TAS2R1: variants seen among roughly 807,000 people sequenced by gnomAD.
The protein encoded by TAS2R1 is taste 2 receptor member 1, also known as taste receptor type 2 member 1.
For missense variants in TAS2R1, 370 were observed against 353.4 expected (o/e 1.05, Z -0.38); for synonymous variants, 141 against 134.2 (o/e 1.05, Z -0.35).
At chr5:9,818,345 T>G in the TAS2R1 span, among the ~76,000 whole-genome samples, 1 of 152,182 alleles carries the variant, frequency 6.6e-6, no homozygotes, top group African/African-American at 2.4e-5. Context: ...CTCTCTAGAG[T>G]ATATGCCTTG....
the TAS2R1 span, among the ~76,000 whole-genome samples, chr5:9,768,691 T>G: frequency 6.6e-6 from 1 of 152,228 alleles, no homozygotes. Flanking sequence ...CATAATTGCT[T>G]GGCAAATCAG....
the TAS2R1 span, among the ~76,000 whole-genome samples, chr5:9,745,946 ACAG>A: frequency 6.6e-6 from 1 of 152,248 alleles, no homozygotes; most frequent in Non-Finnish European, 1.5e-5. Context: ...GAACTTCTGC[ACAG>A]CAAAAGAAAC....
the TAS2R1 span, among the ~76,000 whole-genome samples, chr5:9,901,785 G>C: frequency 6.6e-6 from 1 of 152,132 alleles, no homozygotes; most frequent in Non-Finnish European, 1.5e-5. Flanking sequence ...TTATTTTCCG[G>C]AGAAAAAGAA....
chr5:9,686,004 T>C (rs888180985), intron 1 of TAS2R1, among the ~76,000 whole-genome samples: 4 of 152,208 alleles, frequency 2.6e-5, no homozygotes, highest in African/African-American at 9.6e-5. Context: ...TGGCTGGGAC[T>C]ACAGGCATGC....
chr5:9,876,893 C>T, the TAS2R1 span, among the ~76,000 whole-genome samples: 6 of 152,150 alleles, frequency 3.9e-5, no homozygotes, highest in South Asian at 2.1e-4. Flanking sequence ...TGAGCACTCA[C>T]GTGTTCGATT....
chr5:9,727,426 C>A, the TAS2R1 span, among the ~76,000 whole-genome samples: 1 of 152,122 alleles, frequency 6.6e-6, no homozygotes, highest in South Asian at 2.1e-4. Flanking sequence ...ATTTGAGAAA[C>A]CAAGAGAGTA....
At chr5:9,724,344 C>CTTTTTTTT in the TAS2R1 span, among the ~76,000 whole-genome samples, 3 of 124,678 alleles carry the variant, frequency 2.4e-5, no homozygotes, top group Non-Finnish European at 3.5e-5. Context: ...ATGTTTCTTT[C>CTTTTTTTT]TTTTTTTTTT....
chr5:9,713,482 T>C (rs1257951489), upstream of TAS2R1, among the ~76,000 whole-genome samples: 1 of 152,136 alleles, frequency 6.6e-6, no homozygotes, highest in African/African-American at 2.4e-5. Flanking sequence ...CACCCCCCAC[T>C]GCTTTGAATT....
chr5:9,845,104 T>C, the TAS2R1 span, among the ~76,000 whole-genome samples: 1 of 151,812 alleles, frequency 6.6e-6, no homozygotes, highest in Admixed American at 6.6e-5. Context: ...TATTTGGAGG[T>C]GGAATCTTTG....
At chr5:9,894,481 A>G in the TAS2R1 span, among the ~76,000 whole-genome samples, 1 of 152,126 alleles carries the variant, frequency 6.6e-6, no homozygotes, top group Non-Finnish European at 1.5e-5. Context: ...CAGAGGAAAT[A>G]CCGTGGGAGG....
the TAS2R1 span, among the ~76,000 whole-genome samples, chr5:9,786,230 A>G: frequency 2.0e-5 from 3 of 152,330 alleles, no homozygotes; most frequent in African/African-American, 7.2e-5. Context: ...TGACCTATTA[A>G]ACTAGACAAT....
the TAS2R1 span, among the ~76,000 whole-genome samples, chr5:9,805,203 G>C: frequency 1.4e-4 from 22 of 152,070 alleles, no homozygotes; most frequent in African/African-American, 5.3e-4. Flanking sequence ...GGAAGATATA[G>C]AGACTCTGAA....
intron 1 of TAS2R1, among the ~76,000 whole-genome samples, chr5:9,662,765 C>G (rs1027167968): frequency 2.6e-5 from 4 of 152,298 alleles, no homozygotes; most frequent in African/African-American, 9.6e-5. Context: ...TAAGAAAGAA[C>G]AAGAAGATTG....
intron 2 of TAS2R1, among the ~76,000 whole-genome samples, chr5:9,655,748 A>C (rs1427143329): frequency 6.6e-6 from 1 of 152,112 alleles, no homozygotes; most frequent in African/African-American, 2.4e-5. Context: ...CACACTCAAT[A>C]AGTGTCTTAA....
the TAS2R1 span, among the ~76,000 whole-genome samples, chr5:9,767,671 T>C: frequency 6.6e-6 from 1 of 152,134 alleles, no homozygotes; most frequent in Non-Finnish European, 1.5e-5. Context: ...GTCTCACGCC[T>C]GTACTCTCAG....
At chr5:9,797,736 C>T in the TAS2R1 span, among the ~76,000 whole-genome samples, 6 of 152,122 alleles carry the variant, frequency 3.9e-5, no homozygotes, top group African/African-American at 9.7e-5. Flanking sequence ...TGTTGACTTA[C>T]GTAGCAGGCT....
At chr5:9,782,429 T>G in the TAS2R1 span, among the ~76,000 whole-genome samples, 1 of 142,618 alleles carries the variant, frequency 7.0e-6, no homozygotes, top group African/African-American at 2.5e-5. Context: ...ACCAAGCTGA[T>G]TTCCCCTGGG....
At chr5:9,736,970 CTTTAT>C in the TAS2R1 span, among the ~76,000 whole-genome samples, 9 of 152,290 alleles carry the variant, frequency 5.9e-5, no homozygotes, top group East Asian at 1.7e-3. Context: ...ACATTTGGCA[CTTTAT>C]TTAACTCTTC....
rs181665233 is a variant in TAS2R1 at position 9,644,771 on chromosome 5, C to T, written c.-81+14650G>A. Among the ~76,000 whole-genome samples, 112 of 152,206 alleles carry T rather than the reference C, an allele frequency of 7.4e-4. 1 individual carries two copies. Among genetic ancestry groups the T allele is most frequent in the African/African-American group, 2.5e-3 (104 of 41,538 alleles). On this transcript the variant is annotated intron_variant, in intron 2 of 2. Coordinates refer to the TAS2R1 transcript ENST00000506620. ...CACATTTTGTGCATTCGTGTCACTT[C>T]GATTGTCCTGTCTGATGCCATCTCT...
Sources: allele counts gnomAD v4.1 joint callset (sites outside exome capture counted in the v4.1 genomes callset), GRCh38; gene constraint gnomAD v4.1.1; transcripts MANE v1.5; gene names NCBI Gene and HGNC (gene_info 2026-07-23, HGNC 2026-07-21).